HIPK3: variants seen among roughly 807,000 people sequenced by gnomAD.
HIPK3 encodes homeodomain-interacting protein kinase 3.
HIPK3 carries 47 observed loss-of-function variants against 124.2 expected under a neutral mutation model. That is an observed-to-expected ratio of 0.38 (90% CI 0.30 to 0.48). HIPK3 has a LOEUF of 0.48. Ranked by LOEUF, HIPK3 falls within the 20% of genes least tolerant of loss-of-function variation. HIPK3 has a pLI of 0.98. For missense variants in HIPK3, 1,286 were observed against 1,454.3 expected, an observed-to-expected ratio of 0.88 and a Z score of 1.88; for synonymous variants, 482 against 515.2, an observed-to-expected ratio of 0.94 and a Z score of 0.87.
At position 33,335,966 on chromosome 11, in the gene HIPK3, G is replaced by T. The variant is rs141215770; in HGVS notation, c.1222-1109G>T. The stretch of plus-strand genomic sequence containing the variant: ...TACTGTGTACCATGCACTTTCATGG[G>T]CTCTGGGGGTATATAAGTAAACAAA... On this transcript the variant is annotated intron_variant, in intron 3 of 16. Transcript: ENST00000303296. 5.9e-3 allele frequency among the ~76,000 whole-genome samples: 893 copies of T among 152,214 alleles called. 7 individuals are homozygous for T. Among genetic ancestry groups the T allele is most frequent in the Middle Eastern group, 0.037 (11 of 294 alleles).
rs1853767397 is a variant in HIPK3 at position 33,354,661 on chromosome 11, GTTCT to G, written c.*1096_*1099del. 1.4e-5 allele frequency: 2 copies of G among 147,236 alleles called. No individual in the cohort carries two copies. The highest frequency in any genetic ancestry group is 1.4e-4 in the Admixed American group (2 of 14,772). 9.1% of individuals were successfully genotyped at this position (147,236 alleles called of 1,614,324 possible). ...ACTATTGAAGCTTGAAAAGATGTGA[GTTCT>G]TTGTGTGCAATTTTTGATTTATGCA... is the stretch of plus-strand genomic sequence containing the variant. On this transcript the variant is annotated 3_prime_UTR_variant, in exon 17 of 17. Coordinates refer to ENST00000303296, the MANE Select transcript of HIPK3 (RefSeq NM_005734.5).
At chr11:33,276,084 T>TA (rs1257980324) in intron 1 of HIPK3, among the ~76,000 whole-genome samples, 1 of 152,254 alleles carries the variant, frequency 6.6e-6, no homozygotes, top group African/African-American at 2.4e-5. Flanking sequence ...GCAAGAATAA[T>TA]ACAAAGAATT....
chr11:33,324,468 G>A (rs1852753377), intron 2 of HIPK3, among the ~76,000 whole-genome samples: 1 of 152,152 alleles, frequency 6.6e-6, no homozygotes, highest in African/African-American at 2.4e-5. Flanking sequence ...GATAGATAAC[G>A]TATTGTGAAA....
intron 1 of HIPK3, among the ~76,000 whole-genome samples, chr11:33,268,883 A>C (rs981843731): frequency 1.3e-5 from 2 of 152,180 alleles, no homozygotes; most frequent in Non-Finnish European, 2.9e-5. Flanking sequence ...AAGAAAATGA[A>C]ATACCTCAAC....
chr11:33,328,704 G>A, intron 3 of HIPK3, 71 bp downstream of exon 3: 1 of 1,401,120 alleles, frequency 7.1e-7, no homozygotes, highest in South Asian at 1.2e-5. Flanking sequence ...AGGAACACAT[G>A]GCTGCAGGTG....
intron 2 of HIPK3, among the ~76,000 whole-genome samples, chr11:33,294,069 G>A (rs552770274): frequency 4.0e-5 from 6 of 151,714 alleles, no homozygotes; most frequent in South Asian, 2.1e-4. Flanking sequence ...CAGGAGAATC[G>A]TTTGAACCCG....
At chr11:33,277,386 C>T (rs1279569237) in intron 1 of HIPK3, among the ~76,000 whole-genome samples, 1 of 152,214 alleles carries the variant, frequency 6.6e-6, no homozygotes, top group Admixed American at 6.5e-5. Context: ...TGCTGCACTT[C>T]ATCAGTTCTA....
chr11:33,297,688 G>A (rs1475965574), intron 2 of HIPK3, among the ~76,000 whole-genome samples: 1 of 148,736 alleles, frequency 6.7e-6, no homozygotes, highest in Non-Finnish European at 1.5e-5. Flanking sequence ...TAATGTAGAT[G>A]AAACAGCTTT....
chr11:33,337,657 C>T (rs766778415), intron 4 of HIPK3, among the ~76,000 whole-genome samples: 3 of 149,578 alleles, frequency 2.0e-5, no homozygotes, highest in South Asian at 2.1e-4. Flanking sequence ...TGCCTGGCCC[C>T]GTCCTTCTCT....
intron 2 of HIPK3, among the ~76,000 whole-genome samples, chr11:33,293,906 C>G (rs569528361): frequency 1.8e-4 from 27 of 152,218 alleles, no homozygotes; most frequent in African/African-American, 6.3e-4. Flanking sequence ...GTGGCTCACA[C>G]CTGTAATCCC....
intron 1 of HIPK3, among the ~76,000 whole-genome samples, chr11:33,269,037 A>T (rs555974601): frequency 6.6e-6 from 1 of 152,212 alleles, no homozygotes; most frequent in Non-Finnish European, 1.5e-5. Context: ...TGTATAATAG[A>T]TGTTGGAAAA....
chr11:33,302,339 C>CTTTTTTTTTTTTTTTTTTTTTTTTT (rs374964013), intron 2 of HIPK3, among the ~76,000 whole-genome samples: 1 of 121,140 alleles, frequency 8.3e-6, no homozygotes, highest in Non-Finnish European at 1.7e-5. Context: ...TAATTCCTTA[C>CTTTTTTTTTTTTTTTTTTTTTTTTT]TTCTTTTTTT....
Position 33,322,981 on chromosome 11 carries a change from G to A in HIPK3, c.1098-5529G>A, listed in dbSNP as rs1361075493. ...CTCTGACCTTCCTGAGCACTGGAGT[G>A]TGTTCTTCTCAGCATCCTGGTGAGC... On this transcript the variant is annotated intron_variant, in intron 2 of 16. Transcript: ENST00000303296. 3.3e-5 allele frequency among the ~76,000 whole-genome samples: 5 copies of A among 152,320 alleles called. No homozygotes were observed. In the East Asian group the frequency reaches 5.8e-4, roughly 18 times the overall value.
chr11:33,286,208 A>T (rs541583267), intron 1 of HIPK3, among the ~76,000 whole-genome samples: 1 of 152,158 alleles, frequency 6.6e-6, no homozygotes, highest in Non-Finnish European at 1.5e-5. Context: ...TGAAGCACCA[A>T]TTAACTGAAA....
Position 33,347,873 on chromosome 11 carries a change from T to C in HIPK3, c.2166T>C (p.Asn722=), listed in dbSNP as rs1853544878. ...CTAGGAAGATGATTTCATGCAGCAA[T>C]CATTATAACTCAGTGATGCCGCAGC... ...GDWGKMISCS[N]HYNSVMPQPL... is the part of the protein sequence containing the mutation. Residue 722 remains asparagine, a synonymous_variant, in exon 11 of 17, where the codon AAT becomes AAC. Coordinates refer to ENST00000303296, the MANE Select transcript of HIPK3 (RefSeq NM_005734.5). 6.2e-7 allele frequency: 1 copy of C among 1,614,072 alleles called. No homozygotes were observed. The highest frequency in any genetic ancestry group is 8.5e-7 in the Non-Finnish European group (1 of 1,180,016).
intron 2 of HIPK3, among the ~76,000 whole-genome samples, chr11:33,321,529 C>A (rs1467239566): frequency 6.6e-6 from 1 of 151,972 alleles, no homozygotes; most frequent in Admixed American, 6.5e-5. Context: ...GCATGGATGT[C>A]TTAGATAGAA....
chr11:33,350,581 G>GGAGGATTATTT (rs1238023010), intron 14 of HIPK3, among the ~76,000 whole-genome samples: 15 of 151,930 alleles, frequency 9.9e-5, no homozygotes, highest in Non-Finnish European at 2.9e-5. Context: ...GGCTGAGGCA[G>GGAGGATTATTT]GAGGATTATT....
intron 1 of HIPK3, among the ~76,000 whole-genome samples, chr11:33,266,038 G>A (rs1205421955): frequency 7.4e-6 from 1 of 135,264 alleles, no homozygotes; most frequent in Non-Finnish European, 1.5e-5. Flanking sequence ...GAGCCTGGGC[G>A]ACAGAGTGAG....
At chr11:33,345,556 A>G (rs1349856321) in intron 8 of HIPK3, among the ~76,000 whole-genome samples, 1 of 152,108 alleles carries the variant, frequency 6.6e-6, no homozygotes, top group African/African-American at 2.4e-5. Flanking sequence ...TTTACAGACA[A>G]TGAGATTTTT....
Sources: gnomAD v4.1 joint callset for allele counts (sites outside exome capture counted in the v4.1 genomes callset) on GRCh38, gnomAD v4.1.1 for gene constraint, MANE v1.5 for transcripts, NCBI Gene and HGNC (gene_info 2026-07-23, HGNC 2026-07-21) for gene names.